RALYL: variants seen among roughly 807,000 people sequenced by gnomAD.
The protein encoded by RALYL is RALY RNA binding protein like, also known as RNA-binding Raly-like protein.
Under a neutral mutation model 35.1 loss-of-function variants are expected in RALYL, and 29 were observed. The observed-to-expected ratio is 0.83, with a 90% confidence interval of 0.61 to 1.13. The LOEUF (loss-of-function observed/expected upper bound fraction) is 1.13. Among genes scored for constraint, RALYL ranks in the 50% most tolerant of loss-of-function variants. The probability of loss-of-function intolerance (pLI) is 0.00; values close to 1 mark genes in which losing one functional copy is unlikely to be tolerated. For synonymous variants in RALYL, 120 were observed against 127.6 expected, an observed-to-expected ratio of 0.94 and a Z score of 0.40; for missense variants, 359 against 360.4, an observed-to-expected ratio of 1.00 and a Z score of 0.03.
chr8:84,731,822 A>T (rs576286052), intron 2 of RALYL, among the ~76,000 whole-genome samples: 1 of 152,150 alleles, frequency 6.6e-6, no homozygotes, highest in Non-Finnish European at 1.5e-5. Flanking sequence ...TCAGTGACCA[A>T]AAGATATTTC....
chr8:84,374,282 G>T (rs1856492395), intron 1 of RALYL, among the ~76,000 whole-genome samples: 1 of 151,906 alleles, frequency 6.6e-6, no homozygotes, highest in African/African-American at 2.4e-5. Context: ...CTTGTCTTGT[G>T]CTGGTTTTCA....
chr8:84,386,848 C>A (rs1859315712), intron 1 of RALYL, among the ~76,000 whole-genome samples: 2 of 151,866 alleles, frequency 1.3e-5, no homozygotes, highest in South Asian at 2.1e-4. Flanking sequence ...TCACGGAGAG[C>A]CCTTCCTCTG....
At chr8:84,675,900 G>A (rs1834094907) in intron 2 of RALYL, among the ~76,000 whole-genome samples, 1 of 152,120 alleles carries the variant, frequency 6.6e-6, no homozygotes, top group Non-Finnish European at 1.5e-5. Flanking sequence ...TAAAAAGGGG[G>A]AAATATATTA....
chr8:84,537,848 C>A (rs2059726656), intron 2 of RALYL, among the ~76,000 whole-genome samples: 1 of 152,146 alleles, frequency 6.6e-6, no homozygotes, highest in African/African-American at 2.4e-5. Flanking sequence ...AAACAAAAAT[C>A]TCAGAAATTT....
chr8:84,904,872 A>C (rs996345711), intron 8 of RALYL, among the ~76,000 whole-genome samples: 1 of 151,954 alleles, frequency 6.6e-6, no homozygotes, highest in African/African-American at 2.4e-5. Context: ...TGCATATTCC[A>C]CCCAATTTTC....
At chr8:84,681,578 C>G (rs1443474254) in intron 2 of RALYL, among the ~76,000 whole-genome samples, 1 of 152,126 alleles carries the variant, frequency 6.6e-6, no homozygotes, top group Non-Finnish European at 1.5e-5. Flanking sequence ...AAATTGGATT[C>G]CTAGGTATTT....
intron 1 of RALYL, among the ~76,000 whole-genome samples, chr8:84,312,549 TAGG>T (rs1374862210): frequency 6.6e-6 from 1 of 152,086 alleles, no homozygotes; most frequent in Non-Finnish European, 1.5e-5. Context: ...GGGTACCAAA[TAGG>T]AGAAAATTGG....
At chr8:84,565,490 A>C (rs554637151) in intron 2 of RALYL, among the ~76,000 whole-genome samples, 6 of 151,716 alleles carry the variant, frequency 4.0e-5, no homozygotes, top group African/African-American at 7.2e-5. Flanking sequence ...GTATATGAAA[A>C]AGGTTTTATA....
At chr8:84,320,806 T>C (rs938949622) in intron 1 of RALYL, among the ~76,000 whole-genome samples, 4 of 152,146 alleles carry the variant, frequency 2.6e-5, no homozygotes, top group African/African-American at 9.7e-5. Context: ...AATATAGTTT[T>C]AGATTCTTCA....
In RALYL at chr8:84,332,761, G is replaced by A. The variant is rs539165485; in HGVS notation, c.-24+148337G>A. Among the ~76,000 whole-genome samples, 10 of 152,160 alleles carry A rather than the reference G, an allele frequency of 6.6e-5. No individual in the cohort carries two copies. In the South Asian group the frequency reaches 1.0e-3, roughly 16 times the overall value. On this transcript the variant is annotated intron_variant, in intron 1 of 8. Coordinates refer to ENST00000521268, the MANE Select transcript of RALYL (RefSeq NM_173848.7). ...ATCCATGAGCAGAGAAAGACTAATG[G>A]AAGTATGCCCAGATAGTGGCAGCAA...
chr8:84,384,144 C>T (rs1858635629), intron 1 of RALYL, among the ~76,000 whole-genome samples: 1 of 151,628 alleles, frequency 6.6e-6, no homozygotes, highest in Admixed American at 6.6e-5. Context: ...AGATATTACA[C>T]AATCACTTTA....
chr8:84,395,647 A>G (rs1051300478), intron 1 of RALYL, among the ~76,000 whole-genome samples: 3 of 151,938 alleles, frequency 2.0e-5, no homozygotes, highest in African/African-American at 7.2e-5. Context: ...GGTTACCAAT[A>G]TTCCTTAAAA....
intron 2 of RALYL, among the ~76,000 whole-genome samples, chr8:84,766,720 CAAA>C (rs751821694): frequency 2.7e-3 from 49 of 18,014 alleles, no homozygotes; most frequent in South Asian, 7.1e-3. Flanking sequence ...GAGACTGTCT[CAAA>C]AAAAAAAAAA....
Position 84,271,287 on chromosome 8 carries a change from G to T in RALYL, c.-24+86863G>T, listed in dbSNP as rs549302159. ...TACAAATGGCAAACAAGCACATAAA[G>T]TATACTCAACATCATTAGGCATTAG... On this transcript the variant is annotated intron_variant, in intron 1 of 8. Transcript: ENST00000521268. 3.9e-5 allele frequency among the ~76,000 whole-genome samples: 6 copies of T among 151,960 alleles called. No homozygotes were observed. The East Asian group carries it at 1.2e-3, about 29-fold the overall frequency.
intron 1 of RALYL, among the ~76,000 whole-genome samples, chr8:84,483,150 T>G (rs895201873): frequency 1.3e-5 from 2 of 152,126 alleles, no homozygotes; most frequent in African/African-American, 4.8e-5. Flanking sequence ...AAAATAGAGA[T>G]AACATTGTTT....
At chr8:84,757,873 C>T (rs1269849691) in intron 2 of RALYL, among the ~76,000 whole-genome samples, 1 of 152,008 alleles carries the variant, frequency 6.6e-6, no homozygotes, top group Non-Finnish European at 1.5e-5. Flanking sequence ...TTCTATATGG[C>T]AAAGTAAAAA....
intron 1 of RALYL, among the ~76,000 whole-genome samples, chr8:84,423,396 T>G (rs1430269488): frequency 6.6e-6 from 1 of 151,180 alleles, no homozygotes; most frequent in African/African-American, 2.5e-5. Context: ...GTTTTCCATT[T>G]GCTTGGTAGA....
At chr8:84,263,756 C>A (rs886629057) in intron 1 of RALYL, among the ~76,000 whole-genome samples, 1 of 152,054 alleles carries the variant, frequency 6.6e-6, no homozygotes, top group Non-Finnish European at 1.5e-5. Context: ...ATACTCTATC[C>A]TTCCCCGACC....
rs1564116713 is a variant in RALYL at position 84,543,223 on chromosome 8, G to C, written c.256+13646G>C. 2.0e-5 allele frequency among the ~76,000 whole-genome samples: 3 copies of C among 151,488 alleles called. No individual in the cohort carries two copies. In the Middle Eastern group the frequency reaches 0.01, roughly 522 times the overall value. On this transcript the variant is annotated intron_variant, in intron 2 of 8. Transcript: ENST00000521268. ...GTCTGATTTTCTCTCCTTTTTTGGT[G>C]CTAACAGCCAGTGAATATAAAATTC... is the stretch of plus-strand genomic sequence containing the variant.
Sources: allele counts gnomAD v4.1 joint callset (sites outside exome capture counted in the v4.1 genomes callset), GRCh38; gene constraint gnomAD v4.1.1; transcripts MANE v1.5; gene names NCBI Gene and HGNC (gene_info 2026-07-23, HGNC 2026-07-21).